XKR5: variants seen among roughly 807,000 people sequenced by gnomAD.
The protein encoded by XKR5 is XK related 5, also known as XK-related protein 5.
XKR5 carries 46 observed loss-of-function variants against 40.8 expected under a neutral mutation model. The ratio of observed to expected loss-of-function variants is 1.13; its 90% confidence interval spans 0.89 to 1.44. The LOEUF (loss-of-function observed/expected upper bound fraction) is 1.44. XKR5 is among the 40% of genes most tolerant of loss of function. The pLI is 0.00. For missense variants in XKR5, 1,169 were observed against 844.7 expected (o/e 1.38, Z -4.76); for synonymous variants, 466 against 356.1 (o/e 1.31, Z -3.48).
chr8:6,824,953 C>T (rs1804393415), intron 3 of XKR5, among the ~76,000 whole-genome samples: 1 of 152,178 alleles, frequency 6.6e-6, no homozygotes, highest in Non-Finnish European at 1.5e-5. Flanking sequence ...GACTTTAGAA[C>T]ATGACCCTTA....
At chr8:6,826,979 G>A (rs1804517180) in intron 2 of XKR5, among the ~76,000 whole-genome samples, 1 of 152,196 alleles carries the variant, frequency 6.6e-6, no homozygotes, top group African/African-American at 2.4e-5. Flanking sequence ...GTCAGAACAT[G>A]TCCTTGCTTC....
At chr8:6,827,179 C>T (rs77268311) in intron 2 of XKR5, among the ~76,000 whole-genome samples, 43 of 152,286 alleles carry the variant, frequency 2.8e-4, no homozygotes, top group East Asian at 1.2e-3. Flanking sequence ...TTCGCCACCA[C>T]CCACCAATTC....
intron 5 of XKR5, 73 bp downstream of exon 5, chr8:6,821,796 C>G (rs971139622): frequency 7.3e-7 from 1 of 1,375,248 alleles, no homozygotes; most frequent in African/African-American, 1.4e-5. Flanking sequence ...ACACACACCC[C>G]CCACACACAC....
rs747370021 is a variant in XKR5 at position 6,832,814 on chromosome 8, C to T, written c.145G>A (p.Val49Ile). The change falls in exon 2 of 7, where the codon GTC becomes ATC. Residue 49 changes from valine (V) to isoleucine (I), a missense_variant. By Grantham distance (29) the Val-to-Ile change is conservative. Transcript: ENST00000618742. The part of the protein sequence containing the change: ...ALAVLLPGFL[V>I]QALSYLWFRA... The stretch of plus-strand genomic sequence containing the variant: ...AACCACAGGTAGCTCAGGGCCTGGA[C>T]CAAGAACCCGGGCAGGAGGACAGCA... The T allele has an allele frequency of 8.7e-6, 14 of 1,612,724 alleles. No individual in the cohort carries two copies. In the South Asian group the frequency reaches 1.5e-4, roughly 18 times the overall value.
intron 6 of XKR5, among the ~76,000 whole-genome samples, chr8:6,813,776 T>C (rs1803841229): frequency 6.6e-6 from 1 of 152,160 alleles, no homozygotes; most frequent in East Asian, 1.9e-4. Flanking sequence ...CCTCCAGCTG[T>C]GCCGTGGGCC....
Position 6,814,229 on chromosome 8 carries a change from A to G in XKR5, c.919+1578T>C, listed in dbSNP as rs1312898914. ...TCTGCGATTCAAATGATTATTTTAA[A>G]AAGGATGAACCAGATGCCCGTCCAT... On this transcript the variant is annotated intron_variant, in intron 6 of 6. Transcript: ENST00000618742. Among the ~76,000 whole-genome samples the G allele has an allele frequency of 2.6e-5, 4 of 152,212 alleles. No homozygotes were observed. The East Asian group carries it at 7.7e-4, about 29-fold the overall frequency.
In XKR5 at chr8:6,811,844, T is replaced by A. The variant is rs1426940735; in HGVS notation, c.1415A>T (p.Glu472Val). 2 of 1,537,612 alleles carry A rather than the reference T, an allele frequency of 1.3e-6. No individual in the cohort carries two copies. Among genetic ancestry groups the A allele is most frequent in the Admixed American group, 2.0e-5 (1 of 51,008 alleles). Residue 472 changes from glutamate (E) to valine (V), a missense_variant, in exon 7 of 7, where the codon GAA (glutamate) becomes GTA (valine). Glu to Val is a moderately radical substitution (Grantham distance 121). Coordinates refer to ENST00000618742, the MANE Select transcript of XKR5 (RefSeq NM_207411.5). ...GTCGGCCTCTGCTTTAGGGACACCTTCAAACGCAGAGCTGTTCTCTAAGGT... is the reference window on the plus strand; with the variant it reads ...GTCGGCCTCTGCTTTAGGGACACCTACAAACGCAGAGCTGTTCTCTAAGGT... ...PSTLENSSAF[E>V]GVPKAEADPL...
chr8:6,826,223 G>A (rs532952501), intron 2 of XKR5, among the ~76,000 whole-genome samples: 1 of 152,260 alleles, frequency 6.6e-6, no homozygotes, highest in South Asian at 2.1e-4. Flanking sequence ...TAGGCATTAT[G>A]TGCTTGCATA....
chr8:6,830,890 C>T (rs1804736515), intron 2 of XKR5, among the ~76,000 whole-genome samples: 1 of 152,186 alleles, frequency 6.6e-6, no homozygotes, highest in African/African-American at 2.4e-5. Flanking sequence ...ATACCAGCAG[C>T]ATGAATTTGG....
intron 6 of XKR5, among the ~76,000 whole-genome samples, chr8:6,812,660 G>C (rs529706250): frequency 6.6e-6 from 1 of 152,202 alleles, no homozygotes; most frequent in Non-Finnish European, 1.5e-5. Flanking sequence ...ATGTGTGTGT[G>C]CGTGTGTACA....
intron 5 of XKR5, among the ~76,000 whole-genome samples, chr8:6,816,687 A>AT (rs1803972989): frequency 9.0e-6 from 1 of 110,648 alleles, no homozygotes; most frequent in Non-Finnish European, 1.8e-5. Flanking sequence ...ATTTAATTTA[A>AT]TTAAAAATAA....
chr8:6,814,156 A>C (rs116365832), intron 6 of XKR5, among the ~76,000 whole-genome samples: 1 of 152,244 alleles, frequency 6.6e-6, no homozygotes, highest in Non-Finnish European at 1.5e-5. Flanking sequence ...CGATGTCCTC[A>C]GTTTCCCATA....
intron 6 of XKR5, among the ~76,000 whole-genome samples, chr8:6,812,660 G>A (rs529706250): frequency 1.1e-4 from 17 of 152,320 alleles, no homozygotes; most frequent in African/African-American, 2.6e-4. Context: ...ATGTGTGTGT[G>A]CGTGTGTACA....
intron 5 of XKR5, among the ~76,000 whole-genome samples, chr8:6,818,309 C>T (rs928508515): frequency 2.0e-5 from 3 of 152,180 alleles, no homozygotes; most frequent in Admixed American, 2.0e-4. Flanking sequence ...CGTGCAGGTC[C>T]CCTCTGTAAA....
chr8:6,813,193 T>C lies in XKR5; in HGVS notation c.920-854A>G, dbSNP rs548411552. 4.6e-5 allele frequency among the ~76,000 whole-genome samples: 7 copies of C among 152,266 alleles called. No individual in the cohort carries two copies. In the East Asian group the frequency reaches 1.4e-3, roughly 29 times the overall value. ...GTCTTGGGGGACTGGGAGACCCAGA[T>C]CAAGCAGCTGGTTAGTGGCCAGGCT... On this transcript the variant is annotated intron_variant, in intron 6 of 6. Coordinates refer to ENST00000618742, the MANE Select transcript of XKR5 (RefSeq NM_207411.5).
chr8:6,829,319 G>T (rs1804656088), intron 2 of XKR5: 1 of 169,168 alleles, frequency 5.9e-6, no homozygotes, highest in African/African-American at 2.4e-5. Flanking sequence ...TAAAAAGAAA[G>T]ATGAAAAAGA....
chr8:6,828,092 G>A (rs1804600202), intron 2 of XKR5, among the ~76,000 whole-genome samples: 1 of 151,926 alleles, frequency 6.6e-6, no homozygotes. Flanking sequence ...AAGGGGGGAA[G>A]TGAAATGAAA....
At chr8:6,834,818 C>T (rs1804937604) in intron 1 of XKR5, among the ~76,000 whole-genome samples, 1 of 152,002 alleles carries the variant, frequency 6.6e-6, no homozygotes, top group Non-Finnish European at 1.5e-5. Flanking sequence ...TCCGCCGCGG[C>T]TGGCGGGCTC....
chr8:6,821,839 A>G, intron 5 of XKR5, 30 bp downstream of exon 5: 1 of 1,604,928 alleles, frequency 6.2e-7, no homozygotes, highest in Non-Finnish European at 8.5e-7. Flanking sequence ...ATACACTGTA[A>G]AAGTTAGGAT....
Sources: gnomAD v4.1 joint callset for allele counts (sites outside exome capture counted in the v4.1 genomes callset) on GRCh38, gnomAD v4.1.1 for gene constraint, MANE v1.5 for transcripts, NCBI Gene and HGNC (gene_info 2026-07-23, HGNC 2026-07-21) for gene names.